Variants in TLN2 observed in about 807,000 individuals in gnomAD.
TLN2 encodes talin-2.
Under a neutral mutation model 294.7 loss-of-function variants are expected in TLN2, and 118 were observed. That is an observed-to-expected ratio of 0.40 (90% CI 0.34 to 0.47). The LOEUF (loss-of-function observed/expected upper bound fraction) is 0.47, where lower values mean the gene tolerates loss of function less well. Among genes scored for constraint, TLN2 ranks in the 20% least tolerant of loss-of-function variants. TLN2 has a pLI of 0.84. For synonymous variants in TLN2, 1,431 were observed against 1,304.5 expected (o/e 1.10, Z -2.09); for missense variants, 3,083 against 3,282.2 (o/e 0.94, Z 1.48).
At chr15:62,487,044 T>C (rs2038436206) in intron 1 of TLN2, among the ~76,000 whole-genome samples, 1 of 152,172 alleles carries the variant, frequency 6.6e-6, no homozygotes, top group African/African-American at 2.4e-5. Flanking sequence ...CCTTTGACTA[T>C]ATCTAACTAT....
intron 1 of TLN2, among the ~76,000 whole-genome samples, chr15:62,512,891 C>G (rs1456909829): frequency 6.6e-6 from 1 of 152,178 alleles, no homozygotes; most frequent in Non-Finnish European, 1.5e-5. Flanking sequence ...TCCCATTCAT[C>G]TGGCTTGCAA....
chr15:62,425,508 G>A (rs1027674434), intron 1 of TLN2, among the ~76,000 whole-genome samples: 1 of 152,210 alleles, frequency 6.6e-6, no homozygotes, highest in South Asian at 2.1e-4. Context: ...TTAGCATCAC[G>A]GAGCTGCGTG....
At chr15:62,481,942 G>A (rs541983914) in intron 1 of TLN2, among the ~76,000 whole-genome samples, 16 of 150,880 alleles carry the variant, frequency 1.1e-4, no homozygotes, top group Admixed American at 7.3e-4. Context: ...GATTACAGGC[G>A]CCTGCCACCA....
intron 51 of TLN2, among the ~76,000 whole-genome samples, chr15:62,809,079 C>A (rs148614563): frequency 2.8e-4 from 43 of 152,298 alleles, no homozygotes; most frequent in Non-Finnish European, 5.3e-4. Flanking sequence ...CCCTCAGTTT[C>A]TTTCCAGAGG....
At chr15:62,583,614 G>A (rs2045334430) in intron 1 of TLN2, among the ~76,000 whole-genome samples, 1 of 152,038 alleles carries the variant, frequency 6.6e-6, no homozygotes, top group African/African-American at 2.4e-5. Flanking sequence ...ACATTTCAAA[G>A]TCAATTTAAA....
intron 3 of TLN2, among the ~76,000 whole-genome samples, chr15:62,630,655 C>G (rs537302098): frequency 6.6e-6 from 1 of 151,384 alleles, no homozygotes; most frequent in Non-Finnish European, 1.5e-5. Flanking sequence ...GTTTTTTGGT[C>G]TGCGTTTATT....
chr15:62,616,702 C>G (rs2048341017), intron 2 of TLN2, among the ~76,000 whole-genome samples: 1 of 152,328 alleles, frequency 6.6e-6, no homozygotes, highest in East Asian at 1.9e-4. Context: ...CACTGGGAAC[C>G]TCATGTGGAG....
chr15:62,490,661 A>G (rs1403081770), intron 1 of TLN2, among the ~76,000 whole-genome samples: 1 of 152,180 alleles, frequency 6.6e-6, no homozygotes, highest in Non-Finnish European at 1.5e-5. Context: ...TTAAAGACAC[A>G]GCTATATGTC....
chr15:62,576,817 C>G (rs1193633165), intron 1 of TLN2, among the ~76,000 whole-genome samples: 1 of 151,992 alleles, frequency 6.6e-6, no homozygotes, highest in Non-Finnish European at 1.5e-5. Flanking sequence ...TTCTGGAAAT[C>G]CGAGGGAAAC....
At position 62,588,737 on chromosome 15, in the gene TLN2, A is replaced by G. The variant is rs1225162374; in HGVS notation, c.-237-950A>G. ...TATACATATGAAGGCCTTTTTAAGA[A>G]TGACACCAAAATATGCAACTATAAA... On this transcript the variant is annotated intron_variant, in intron 1 of 58. Coordinates refer to ENST00000636159, the MANE Select transcript of TLN2 (RefSeq NM_015059.3). Among the ~76,000 whole-genome samples the G allele has an allele frequency of 2.1e-5, 3 of 141,550 alleles. No homozygotes were observed. The East Asian group carries it at 6.2e-4, about 29-fold the overall frequency. The allele number at this position is 141,550 out of a possible 152,430, so 92.9% of individuals were successfully genotyped here.
At chr15:62,771,263 G>C in intron 42 of TLN2, 129 bp downstream of exon 42, 1 of 1,065,060 alleles carries the variant, frequency 9.4e-7, no homozygotes, top group Non-Finnish European at 1.3e-6. Context: ...CCCACTCTGA[G>C]ATCAGAAATA....
chr15:62,686,124 G>T (rs1036904195), intron 11 of TLN2, among the ~76,000 whole-genome samples: 2 of 152,024 alleles, frequency 1.3e-5, no homozygotes, highest in Admixed American at 1.3e-4. Flanking sequence ...AGAATCAGTA[G>T]ATATACAAAA....
At chr15:62,723,228 A>G (rs1317104290) in intron 26 of TLN2, among the ~76,000 whole-genome samples, 2 of 152,252 alleles carry the variant, frequency 1.3e-5, no homozygotes, top group Non-Finnish European at 2.9e-5. Context: ...CCAAATAAAA[A>G]TATCCAGAGC....
Position 62,757,395 on chromosome 15 carries a change from G to A in TLN2, c.4638+1702G>A, listed in dbSNP as rs149730094. Among the ~76,000 whole-genome samples, 45 of 152,328 alleles carry A rather than the reference G, an allele frequency of 3.0e-4. 1 individual carries two copies. Among genetic ancestry groups the A allele is most frequent in the African/African-American group, 1.0e-3 (42 of 41,570 alleles). ...CGATAGAGTTGACAGCAGTGACATC[G>A]TTGGTTGCTGTGTAATGAGCTTATC... On this transcript the variant is annotated intron_variant, in intron 37 of 58. Coordinates refer to ENST00000636159, the MANE Select transcript of TLN2 (RefSeq NM_015059.3).
chr15:62,835,340 G>C (rs191853728), intron 55 of TLN2: 1 of 221,374 alleles, frequency 4.5e-6, no homozygotes, highest in South Asian at 8.5e-5. Flanking sequence ...AATCGGGAGA[G>C]ATTTAAATTT....
intron 1 of TLN2, among the ~76,000 whole-genome samples, chr15:62,542,110 G>A (rs189916862): frequency 5.0e-4 from 76 of 152,230 alleles, no homozygotes; most frequent in African/African-American, 1.6e-3. Flanking sequence ...TTTGAAGTAA[G>A]TGTTATCTTC....
intron 1 of TLN2, among the ~76,000 whole-genome samples, chr15:62,433,954 A>G (rs1381538374): frequency 6.6e-6 from 1 of 151,950 alleles, no homozygotes; most frequent in Non-Finnish European, 1.5e-5. Context: ...ACGCCACTGC[A>G]CTCCAGCCTG....
intron 54 of TLN2, among the ~76,000 whole-genome samples, chr15:62,827,202 A>C (rs1290506993): frequency 6.6e-6 from 1 of 152,288 alleles, no homozygotes; most frequent in East Asian, 1.9e-4. Flanking sequence ...CAAGAAAAAG[A>C]CCATGGGAGG....
At chr15:62,661,525 G>A (rs913737951) in intron 9 of TLN2, among the ~76,000 whole-genome samples, 1 of 152,108 alleles carries the variant, frequency 6.6e-6, no homozygotes, top group South Asian at 2.1e-4. Flanking sequence ...AATAGGAGAA[G>A]TGCAGGGCGG....
Sources: allele counts gnomAD v4.1 joint callset (sites outside exome capture counted in the v4.1 genomes callset), GRCh38; gene constraint gnomAD v4.1.1; transcripts MANE v1.5; gene names NCBI Gene and HGNC (gene_info 2026-07-23, HGNC 2026-07-21).